SLC44A5: variants seen among roughly 807,000 people sequenced by gnomAD.
SLC44A5 encodes choline transporter-like protein 5.
A neutral mutation model predicts 101.8 loss-of-function variants in SLC44A5; 57 were observed. That is an observed-to-expected ratio of 0.56 (90% confidence interval 0.45 to 0.70). SLC44A5 has a LOEUF of 0.70. Among genes scored for constraint, SLC44A5 ranks in the 30% least tolerant of loss-of-function variants. The probability of loss-of-function intolerance (pLI) is 0.00; values close to 1 mark genes in which losing one functional copy is unlikely to be tolerated. For missense variants in SLC44A5, 737 were observed against 853.1 expected (o/e 0.86, Z 1.70); for synonymous variants, 281 against 290.9 (o/e 0.97, Z 0.35).
the SLC44A5 span, among the ~76,000 whole-genome samples, chr1:75,687,752 A>G: frequency 6.6e-6 from 1 of 152,146 alleles, no homozygotes; most frequent in South Asian, 2.1e-4. Context: ...AAATCTCTGT[A>G]CTTTCACTAT....
chr1:75,701,593 G>T, the SLC44A5 span, among the ~76,000 whole-genome samples: 2 of 152,140 alleles, frequency 1.3e-5, no homozygotes, highest in Non-Finnish European at 2.9e-5. Flanking sequence ...TTGAAAACTG[G>T]CACAAGACAG....
At chr1:75,679,638 G>T in the SLC44A5 span, among the ~76,000 whole-genome samples, 1 of 151,880 alleles carries the variant, frequency 6.6e-6, no homozygotes, top group Non-Finnish European at 1.5e-5. Context: ...GGAACAACTG[G>T]TACCAGCCGC....
At chr1:75,617,005 C>A in the SLC44A5 span, among the ~76,000 whole-genome samples, 3 of 152,108 alleles carry the variant, frequency 2.0e-5, no homozygotes, top group African/African-American at 7.2e-5. Flanking sequence ...CCTCCCCTCG[C>A]GTGCTGATAA....
At chr1:75,444,363 AG>A in intron 2 of SLC44A5, among the ~76,000 whole-genome samples, 1 of 131,070 alleles carries the variant, frequency 7.6e-6, no homozygotes, top group African/African-American at 2.8e-5. Context: ...GAAGGGAGGG[AG>A]GGAGGGAGGA....
intron 2 of SLC44A5, 48 bp from the exon 3 acceptor site, chr1:75,396,669 ACT>A: frequency 4.9e-6 from 7 of 1,436,212 alleles, no homozygotes; most frequent in Non-Finnish European, 6.9e-6. Context: ...GGGGCTGATG[ACT>A]CTGAGGTTCT....
intron 2 of SLC44A5, among the ~76,000 whole-genome samples, chr1:75,499,517 T>A (rs10157357): frequency 6.6e-6 from 1 of 152,152 alleles, no homozygotes; most frequent in Non-Finnish European, 1.5e-5. Flanking sequence ...TGGGGAACCC[T>A]GCTCTAAGGT....
chr1:75,441,623 A>G, intron 2 of SLC44A5, among the ~76,000 whole-genome samples: 1 of 152,102 alleles, frequency 6.6e-6, no homozygotes, highest in South Asian at 2.1e-4. Flanking sequence ...CCAATTACAT[A>G]ATTACATTGT....
At chr1:75,696,987 T>C in the SLC44A5 span, among the ~76,000 whole-genome samples, 1 of 152,158 alleles carries the variant, frequency 6.6e-6, no homozygotes, top group South Asian at 2.1e-4. Context: ...AAAAGGAAGT[T>C]AGGACTTTTT....
intron 3 of SLC44A5, among the ~76,000 whole-genome samples, chr1:75,365,586 A>G (rs1557706183): frequency 6.6e-6 from 1 of 152,186 alleles, no homozygotes; most frequent in African/African-American, 2.4e-5. Context: ...ACACACGTAT[A>G]TTTATGTTCA....
At chr1:75,567,066 G>T (rs748269729) in intron 1 of SLC44A5, among the ~76,000 whole-genome samples, 12 of 152,114 alleles carry the variant, frequency 7.9e-5, no homozygotes, top group Non-Finnish European at 1.8e-4. Flanking sequence ...TAGAGGCAAG[G>T]GTGGGTGCTC....
At chr1:75,442,716 T>C (rs1665279293) in intron 2 of SLC44A5, among the ~76,000 whole-genome samples, 1 of 152,154 alleles carries the variant, frequency 6.6e-6, no homozygotes, top group Non-Finnish European at 1.5e-5. Flanking sequence ...CTCTTTCACT[T>C]ACTGCAAGAC....
intron 4 of SLC44A5, among the ~76,000 whole-genome samples, chr1:75,314,532 G>A (rs963529505): frequency 6.6e-6 from 1 of 152,136 alleles, no homozygotes; most frequent in African/African-American, 2.4e-5. Flanking sequence ...TTGATGCTAG[G>A]GTTGCAGTAG....
chr1:75,325,742 G>T (rs1309098852), intron 4 of SLC44A5, among the ~76,000 whole-genome samples: 1 of 125,008 alleles, frequency 8.0e-6, no homozygotes, highest in Non-Finnish European at 1.6e-5. Context: ...ATCCACTGAG[G>T]GTCGTGTGCA....
intron 2 of SLC44A5, among the ~76,000 whole-genome samples, chr1:75,504,934 A>T (rs567948963): frequency 6.6e-6 from 1 of 152,242 alleles, no homozygotes; most frequent in Admixed American, 6.5e-5. Flanking sequence ...GTTATGAATG[A>T]TCCCATCATC....
rs532311539 is a variant in SLC44A5, at chr1:75,469,515, C to T, written c.13+71920G>A. Among the ~76,000 whole-genome samples, 257 of 152,118 alleles carry T rather than the reference C, an allele frequency of 1.7e-3. 1 individual carries two copies. The highest frequency in any genetic ancestry group is 6.0e-3 in the African/African-American group (250 of 41,500). Reference sequence around the variant, plus strand: ...CTTCTTTCCTTTTGGCAATATCATTCTGAAACCAGTGTGTGTAGAACTTAG... The same window carrying T: ...CTTCTTTCCTTTTGGCAATATCATTTTGAAACCAGTGTGTGTAGAACTTAG... On this transcript the variant is annotated intron_variant, in intron 2 of 23. Coordinates refer to ENST00000370859, the MANE Select transcript of SLC44A5 (RefSeq NM_001130058.2).
intron 3 of SLC44A5, among the ~76,000 whole-genome samples, chr1:75,371,971 C>T (rs1383090182): frequency 3.9e-5 from 6 of 152,120 alleles, no homozygotes; most frequent in African/African-American, 1.4e-4. Flanking sequence ...CCGAGGCGGG[C>T]AGATCACTTA....
chr1:75,487,926 C>T (rs1410831225), intron 2 of SLC44A5, among the ~76,000 whole-genome samples: 4 of 152,164 alleles, frequency 2.6e-5, no homozygotes, highest in Non-Finnish European at 4.4e-5. Flanking sequence ...CCATTTCTCA[C>T]ATTACCACCT....
chr1:75,523,558 T>C (rs1418514303), intron 2 of SLC44A5, among the ~76,000 whole-genome samples: 4 of 152,002 alleles, frequency 2.6e-5, no homozygotes, highest in African/African-American at 7.2e-5. Flanking sequence ...CTGACCTCAG[T>C]TGATCCACCC....
chr1:75,516,679 G>A (rs558274576), intron 2 of SLC44A5, among the ~76,000 whole-genome samples: 4 of 152,126 alleles, frequency 2.6e-5, no homozygotes, highest in Non-Finnish European at 4.4e-5. Context: ...GGTAGGCACC[G>A]TGCATGCTGA....
Sources: allele counts gnomAD v4.1 joint callset (sites outside exome capture counted in the v4.1 genomes callset), GRCh38; gene constraint gnomAD v4.1.1; transcripts MANE v1.5; gene names NCBI Gene and HGNC (gene_info 2026-07-23, HGNC 2026-07-21).